The following INPP4B variants were observed in gnomAD, a reference collection of about 807,000 sequenced individuals.
INPP4B encodes inositol polyphosphate 4-phosphatase type II.
Under a neutral mutation model 122.5 loss-of-function variants are expected in INPP4B, and 55 were observed. That is an observed-to-expected ratio of 0.45 (90% CI 0.36 to 0.56). The LOEUF (loss-of-function observed/expected upper bound fraction) is 0.56, where lower values mean the gene tolerates loss of function less well. Ranked by LOEUF, INPP4B falls within the 20% of genes least tolerant of loss-of-function variation. The pLI, the probability that INPP4B is intolerant of heterozygous loss-of-function variation, is 0.00. For synonymous variants in INPP4B, 403 were observed against 388.7 expected, an observed-to-expected ratio of 1.04 and a Z score of -0.43; for missense variants, 1,000 against 1,097.7, an observed-to-expected ratio of 0.91 and a Z score of 1.26.
chr4:142,696,942 A>T (rs1761110933), intron 2 of INPP4B, among the ~76,000 whole-genome samples: 1 of 152,160 alleles, frequency 6.6e-6, no homozygotes, highest in African/African-American at 2.4e-5. Context: ...AGCCCCGCAC[A>T]CTCCACTGTA....
intron 7 of INPP4B, among the ~76,000 whole-genome samples, chr4:142,377,595 T>C (rs566056386): frequency 2.0e-5 from 3 of 152,186 alleles, no homozygotes; most frequent in Non-Finnish European, 4.4e-5. Flanking sequence ...CATAGGCATA[T>C]TGCCATCTGT....
At chr4:142,833,569 G>A (rs969714639) in intron 1 of INPP4B, among the ~76,000 whole-genome samples, 2 of 151,288 alleles carry the variant, frequency 1.3e-5, no homozygotes, top group African/African-American at 4.9e-5. Flanking sequence ...TTACAAATCT[G>A]TGAAATGGTT....
At chr4:142,567,180 T>C (rs1226625729) in intron 2 of INPP4B, among the ~76,000 whole-genome samples, 2 of 152,200 alleles carry the variant, frequency 1.3e-5, no homozygotes, top group Non-Finnish European at 2.9e-5. Flanking sequence ...TCATTTCCTA[T>C]ATAAATTGGC....
chr4:142,212,638 T>C (rs549457703), intron 12 of INPP4B, among the ~76,000 whole-genome samples: 1 of 152,288 alleles, frequency 6.6e-6, no homozygotes, highest in South Asian at 2.1e-4. Context: ...AGTAACCAGA[T>C]CACAGATAGA....
chr4:142,693,592 C>T (rs574885364), intron 2 of INPP4B, among the ~76,000 whole-genome samples: 1 of 138,386 alleles, frequency 7.2e-6, no homozygotes, highest in South Asian at 2.5e-4. Flanking sequence ...ATACATTAAA[C>T]TCTTAACCAT....
At chr4:142,109,696 C>A (rs1425303903) in intron 22 of INPP4B, among the ~76,000 whole-genome samples, 2 of 152,198 alleles carry the variant, frequency 1.3e-5, no homozygotes, top group Non-Finnish European at 2.9e-5. Context: ...ATTCATCTCC[C>A]TTCTGTGAAT....
At chr4:142,814,098 A>G (rs947564752) in intron 1 of INPP4B, among the ~76,000 whole-genome samples, 1 of 152,216 alleles carries the variant, frequency 6.6e-6, no homozygotes, top group African/African-American at 2.4e-5. Context: ...AATGGGACAT[A>G]CATTTCCCCT....
chr4:142,331,592 T>C (rs947524786), intron 7 of INPP4B, among the ~76,000 whole-genome samples: 1 of 152,350 alleles, frequency 6.6e-6, no homozygotes, highest in African/African-American at 2.4e-5. Flanking sequence ...TTCAGCTTAA[T>C]AGAATTTACG....
chr4:142,128,830 C>T (rs1301953473), intron 18 of INPP4B, among the ~76,000 whole-genome samples: 2 of 152,132 alleles, frequency 1.3e-5, no homozygotes, highest in East Asian at 3.9e-4. Flanking sequence ...ATGTTCATGT[C>T]CTCTGAGCTC....
At chr4:142,538,186 T>C (rs566395139) in intron 2 of INPP4B, among the ~76,000 whole-genome samples, 5 of 152,238 alleles carry the variant, frequency 3.3e-5, no homozygotes, top group Admixed American at 3.3e-4. Flanking sequence ...TGGTTTCCCA[T>C]ACTCCTTCTT....
chr4:142,657,676 A>T (rs377032274), intron 2 of INPP4B, among the ~76,000 whole-genome samples: 1 of 152,236 alleles, frequency 6.6e-6, no homozygotes, highest in African/African-American at 2.4e-5. Flanking sequence ...TGGTGAAAGA[A>T]CTGTGGAAAT....
At chr4:142,272,673 T>C (rs1020222214) in intron 9 of INPP4B, among the ~76,000 whole-genome samples, 7 of 152,032 alleles carry the variant, frequency 4.6e-5, no homozygotes, top group African/African-American at 1.7e-4. Context: ...TATTCTCATT[T>C]GAATATGACA....
chr4:142,527,862 A>T (rs1463894059), intron 2 of INPP4B, among the ~76,000 whole-genome samples: 1 of 151,234 alleles, frequency 6.6e-6, no homozygotes, highest in Non-Finnish European at 1.5e-5. Context: ...CTTTTTTTTT[A>T]AACTGTGTTA....
intron 2 of INPP4B, among the ~76,000 whole-genome samples, chr4:142,720,980 C>G (rs574481747): frequency 6.8e-6 from 1 of 147,530 alleles, no homozygotes; most frequent in South Asian, 2.2e-4. Flanking sequence ...AACAAACATA[C>G]ATTTATGTTC....
intron 7 of INPP4B, among the ~76,000 whole-genome samples, chr4:142,343,997 A>C (rs926387309): frequency 2.6e-5 from 4 of 152,096 alleles, no homozygotes; most frequent in African/African-American, 9.7e-5. Context: ...GTAATAAGCT[A>C]AACTATAATA....
intron 23 of INPP4B, among the ~76,000 whole-genome samples, chr4:142,098,728 T>C (rs1783161134): frequency 6.6e-6 from 1 of 152,132 alleles, no homozygotes; most frequent in African/African-American, 2.4e-5. Context: ...GGGAAGACTG[T>C]AGGAAGAACA....
intron 2 of INPP4B, among the ~76,000 whole-genome samples, chr4:142,673,545 T>A (rs1424811067): frequency 6.6e-6 from 1 of 152,054 alleles, no homozygotes; most frequent in Non-Finnish European, 1.5e-5. Context: ...TCCCACCCAA[T>A]GTTAACGGTA....
At chr4:142,052,567 G>T (rs1327874692) in intron 25 of INPP4B, among the ~76,000 whole-genome samples, 1 of 151,914 alleles carries the variant, frequency 6.6e-6, no homozygotes, top group Admixed American at 6.6e-5. Flanking sequence ...CCAGATTTTT[G>T]TATAGTCATT....
intron 12 of INPP4B, among the ~76,000 whole-genome samples, chr4:142,233,290 T>C (rs1855256494): frequency 6.6e-6 from 1 of 152,138 alleles, no homozygotes; most frequent in Admixed American, 6.6e-5. Flanking sequence ...ACAGTTTGTA[T>C]CTGCTACTCA....
Sources: allele counts gnomAD v4.1 joint callset (sites outside exome capture counted in the v4.1 genomes callset), GRCh38; gene constraint gnomAD v4.1.1; transcripts MANE v1.5; gene names NCBI Gene and HGNC (gene_info 2026-07-23, HGNC 2026-07-21).